The following SSX2IP variants were observed in gnomAD, a reference collection of about 807,000 sequenced individuals.
The protein encoded by SSX2IP is SSX family member 2 interacting protein, also known as afadin- and alpha-actinin-binding protein.
Under a neutral mutation model 84.9 loss-of-function variants are expected in SSX2IP, and 55 were observed. The ratio of observed to expected loss-of-function variants is 0.65; its 90% CI spans 0.52 to 0.81. SSX2IP has a LOEUF of 0.81. SSX2IP is among the 30% of genes least tolerant of loss of function. SSX2IP has a pLI of 0.00. For synonymous variants in SSX2IP, 239 were observed against 234.7 expected (o/e 1.02, Z -0.17); for missense variants, 664 against 705.2 (o/e 0.94, Z 0.66).
chr1:84,669,338 C>A (rs1218939539), intron 4 of SSX2IP, among the ~76,000 whole-genome samples: 1 of 152,066 alleles, frequency 6.6e-6, no homozygotes, highest in Non-Finnish European at 1.5e-5. Flanking sequence ...TTAACCTGTG[C>A]AGCCTCTTAC....
At position 84,645,478 on chromosome 1, in the gene SSX2IP, A is replaced by G. The variant is rs951184214; in HGVS notation, c.*1955T>C. The stretch of plus-strand genomic sequence containing the variant: ...TCTTTCTTTCCAATTTGAGAACTCA[A>G]CTCACTTTAAAATGGAAACACGCAA... On this transcript the variant is annotated 3_prime_UTR_variant, in exon 14 of 14. Transcript: ENST00000342203. 2 of 152,202 alleles carry G rather than the reference A, an allele frequency of 1.3e-5. No homozygotes were observed. Among genetic ancestry groups the G allele is most frequent in the African/African-American group, 4.8e-5 (2 of 41,446 alleles). The allele number at this position is 152,202 out of a possible 1,614,324, so 9.4% of individuals were successfully genotyped here. A position where few individuals can be genotyped will look rare whatever the true frequency, so the allele number is the denominator to read the frequency against.
At position 84,656,419 on chromosome 1, in the gene SSX2IP, CT is replaced by C; in HGVS notation, c.1143del (p.Glu382LysfsTer7). ...EDVISRQDHEQETEKLELEIQ... is the reference protein window; with the variant it reads ...EDVISRQDHEXETEKLELEIQ... ...ATTTCTAACTCGAGTTTTTCAGTTT[CT>C]TGTTCATGGTCTTGTCGTGAGATTA... On this transcript the variant is annotated frameshift_variant, in exon 10 of 14. Coordinates refer to ENST00000342203, the MANE Select transcript of SSX2IP (RefSeq NM_001166293.2). LOFTEE classifies it high-confidence loss of function. 1 of 1,613,536 alleles carries C rather than the reference CT, an allele frequency of 6.2e-7. No homozygotes were observed. Among genetic ancestry groups the C allele is most frequent in the Non-Finnish European group, 8.5e-7 (1 of 1,179,756 alleles).
In SSX2IP at chr1:84,669,793, T is replaced by C. The variant is rs754901421; in HGVS notation, c.314A>G (p.Glu105Gly). The C allele has an allele frequency of 1.2e-6, 2 of 1,613,810 alleles. No homozygotes were observed. The highest frequency in any genetic ancestry group is 1.7e-5 in the Admixed American group (1 of 59,992). The change falls in exon 4 of 14, where the codon GAG (glutamate) becomes GGG (glycine). Residue 105 changes from glutamate (E) to glycine (G), a missense_variant. Coordinates refer to ENST00000342203, the MANE Select transcript of SSX2IP (RefSeq NM_001166293.2). ...GTTCTTCCGCTGAAGCACAAGCAGC[T>C]CATTCATACAATTTAGTACAGCTAC... ...NIVAVLNCMN[E>G]LLVLQRKNLL...
chr1:84,655,211 G>T, intron 11 of SSX2IP: 1 of 498,054 alleles, frequency 2.0e-6, no homozygotes, highest in Non-Finnish European at 2.7e-6. Flanking sequence ...ATTTCCAACA[G>T]ATACTTTTTA....
chr1:84,668,785 GT>G (rs1653107131), intron 4 of SSX2IP, among the ~76,000 whole-genome samples: 1 of 152,078 alleles, frequency 6.6e-6, no homozygotes, highest in Non-Finnish European at 1.5e-5. Context: ...ATGGCGTGGG[GT>G]GGGGGAGGAT....
chr1:84,652,069 T>G, intron 11 of SSX2IP, 72 bp from the exon 12 acceptor site: 1 of 1,106,454 alleles, frequency 9.0e-7, no homozygotes, highest in Non-Finnish European at 1.4e-6. Flanking sequence ...ACATGATTGC[T>G]CTAGCTATCT....
rs1651428879 is a variant in SSX2IP, at chr1:84,658,341, T to C, written c.1055A>G (p.His352Arg). The C allele has an allele frequency of 6.2e-7, 1 of 1,614,052 alleles. No individual in the cohort carries two copies. Residue 352 changes from histidine to arginine, a missense_variant, in exon 9 of 14, where the codon CAT becomes CGT. Physicochemically the swap from His to Arg is conservative, Grantham distance 29 (BLOSUM62 0). Coordinates refer to ENST00000342203, the MANE Select transcript of SSX2IP (RefSeq NM_001166293.2). ...ACCTTGGTTATCAAGCTTTTCTACA[T>C]GACTTTTCAAAATTCTCCACTGTTT... ...IRKQWRILKSHVEKLDNQVSK... is the reference protein window; with the variant it reads ...IRKQWRILKSRVEKLDNQVSK...
chr1:84,666,640 C>T (rs1652818737), intron 4 of SSX2IP, among the ~76,000 whole-genome samples: 1 of 152,018 alleles, frequency 6.6e-6, no homozygotes, highest in Non-Finnish European at 1.5e-5. Context: ...GAAAAAGAAG[C>T]AAAAGTGATT....
At chr1:84,669,614 G>A in intron 4 of SSX2IP, 67 bp downstream of exon 4, 1 of 1,275,992 alleles carries the variant, frequency 7.8e-7, no homozygotes, top group Non-Finnish European at 1.1e-6. Flanking sequence ...ATTTAATAAA[G>A]TCAGTAAAAA....
At chr1:84,648,869 A>C (rs1453593234) in intron 13 of SSX2IP, among the ~76,000 whole-genome samples, 2 of 152,196 alleles carry the variant, frequency 1.3e-5, no homozygotes, top group Non-Finnish European at 2.9e-5. Context: ...CCCAAATCCA[A>C]GCATTTCTTC....
chr1:84,666,618 A>G (rs1652813623), intron 4 of SSX2IP, among the ~76,000 whole-genome samples: 1 of 152,148 alleles, frequency 6.6e-6, no homozygotes, highest in Non-Finnish European at 1.5e-5. Context: ...CTTCGAGAGT[A>G]TACTTGGCTT....
rs1187286436 is a variant in SSX2IP at position 84,645,898 on chromosome 1, CTATGAG to C, written c.*1529_*1534del. 6.6e-6 allele frequency: 1 copy of C among 152,106 alleles called. No individual in the cohort carries two copies. The highest frequency in any genetic ancestry group is 1.5e-5 in the Non-Finnish European group (1 of 68,014). The allele number at this position is 152,106 out of a possible 1,614,324, so 9.4% of individuals were successfully genotyped here. ...CTCTTTAAAACTATAAATATGGTTA[CTATGAG>C]TATATCCACTAATGTCTCATAAGAC... On this transcript the variant is annotated 3_prime_UTR_variant, in exon 14 of 14. Transcript: ENST00000342203.
Position 84,664,555 on chromosome 1 carries a change from GA to G in SSX2IP, c.538-4del. 6 of 1,564,656 alleles carry G rather than the reference GA, an allele frequency of 3.8e-6. No homozygotes were observed. The highest frequency in any genetic ancestry group is 2.0e-5 in the Admixed American group (1 of 49,274). On this transcript the variant is annotated splice_polypyrimidine_tract_variant and splice_region_variant and intron_variant, in intron 5 of 13. Transcript: ENST00000342203. ...ATGATATTTTGTAATTTTTGCACCTGAAAAAGGCATTTGCTATTATAAGCCC... is the reference window on the plus strand; with the variant it reads ...ATGATATTTTGTAATTTTTGCACCTGAAAAGGCATTTGCTATTATAAGCCC...
intron 1 of SSX2IP, among the ~76,000 whole-genome samples, chr1:84,673,940 G>T (rs766584183): frequency 1.3e-5 from 2 of 152,162 alleles, no homozygotes; most frequent in African/African-American, 4.8e-5. Flanking sequence ...AGGGCACCTT[G>T]AACTATTTTG....
chr1:84,685,774 T>C (rs1371551814), intron 1 of SSX2IP, among the ~76,000 whole-genome samples: 2 of 152,240 alleles, frequency 1.3e-5, no homozygotes, highest in African/African-American at 4.8e-5. Flanking sequence ...ATTATTTCTA[T>C]GATGTTGGCT....
At chr1:84,685,293 A>G (rs906530507) in intron 1 of SSX2IP, among the ~76,000 whole-genome samples, 1 of 152,194 alleles carries the variant, frequency 6.6e-6, no homozygotes, top group African/African-American at 2.4e-5. Context: ...TTAAAAGTAC[A>G]AGAACAGGCA....
intron 1 of SSX2IP, among the ~76,000 whole-genome samples, chr1:84,688,812 C>T (rs1656166532): frequency 6.6e-6 from 1 of 152,168 alleles, no homozygotes; most frequent in Non-Finnish European, 1.5e-5. Context: ...CTTCAAGCTG[C>T]CTCACCCATG....
chr1:84,680,918 T>A (rs183523688), intron 1 of SSX2IP, among the ~76,000 whole-genome samples: 158 of 152,282 alleles, frequency 1.0e-3, no homozygotes, highest in African/African-American at 3.7e-3. Flanking sequence ...GCAATTATGG[T>A]GATGATAAGC....
intron 1 of SSX2IP, among the ~76,000 whole-genome samples, chr1:84,687,746 C>T (rs1042812653): frequency 6.6e-6 from 1 of 152,138 alleles, no homozygotes; most frequent in African/African-American, 2.4e-5. Context: ...TATAATTCCC[C>T]TTCATAAAAC....
Sources: gnomAD v4.1 joint callset for allele counts (sites outside exome capture counted in the v4.1 genomes callset) on GRCh38, gnomAD v4.1.1 for gene constraint, MANE v1.5 for transcripts, NCBI Gene and HGNC (gene_info 2026-07-23, HGNC 2026-07-21) for gene names.